The following TRPC3 variants were observed in gnomAD, a reference collection of about 807,000 sequenced individuals.
TRPC3 encodes transient receptor potential cation channel subfamily C member 3, also known as short transient receptor potential channel 3.
In TRPC3, 54 loss-of-function variants were observed where a neutral mutation model predicts 90.9. The ratio of observed to expected loss-of-function variants is 0.59; its 90% CI spans 0.48 to 0.75. The LOEUF (loss-of-function observed/expected upper bound fraction) is 0.75. TRPC3 is among the 30% of genes least tolerant of loss of function. TRPC3 has a pLI of 0.00. For missense variants in TRPC3, 918 were observed against 1,194.5 expected (o/e 0.77, Z 3.41); for synonymous variants, 424 against 450.9 (o/e 0.94, Z 0.75).
intron 10 of TRPC3, among the ~76,000 whole-genome samples, chr4:121,893,247 C>T (rs1011587477): frequency 1.3e-5 from 2 of 151,852 alleles, no homozygotes; most frequent in African/African-American, 2.4e-5. Flanking sequence ...CAAGAATGCA[C>T]ATGTATGTGT....
At chr4:121,930,902 C>A in intron 2 of TRPC3, 1 of 345,582 alleles carries the variant, frequency 2.9e-6, no homozygotes. Flanking sequence ...CATAATGAAT[C>A]TCTTCAAAGG....
chr4:121,949,898 T>C (rs1023008315), intron 1 of TRPC3, among the ~76,000 whole-genome samples: 3 of 152,236 alleles, frequency 2.0e-5, no homozygotes, highest in Non-Finnish European at 2.9e-5. Flanking sequence ...TGCTCCGCCC[T>C]ACTTTCTCAG....
intron 10 of TRPC3, among the ~76,000 whole-genome samples, chr4:121,885,521 C>T (rs1012200398): frequency 2.6e-5 from 4 of 152,068 alleles, no homozygotes; most frequent in Non-Finnish European, 5.9e-5. Context: ...AATGGAAATG[C>T]TAGACAGTGT....
intron 1 of TRPC3, among the ~76,000 whole-genome samples, chr4:121,933,630 C>A (rs1730031817): frequency 6.6e-6 from 1 of 152,026 alleles, no homozygotes; most frequent in African/African-American, 2.4e-5. Flanking sequence ...TATTTAAATA[C>A]TTTTTTAGAG....
chr4:121,880,833 T>C (rs1250752334), intron 11 of TRPC3, among the ~76,000 whole-genome samples: 1 of 152,148 alleles, frequency 6.6e-6, no homozygotes, highest in African/African-American at 2.4e-5. Context: ...TATTTCCTGG[T>C]ATCTTTAATA....
chr4:121,915,090 T>C (rs1729264066), intron 3 of TRPC3, 146 bp from the exon 4 acceptor site: 2 of 646,756 alleles, frequency 3.1e-6, no homozygotes, highest in South Asian at 1.1e-4. Context: ...GTTCTGGTAA[T>C]ATTCTTCTTA....
chr4:121,937,590 T>A (rs570909696), intron 1 of TRPC3, among the ~76,000 whole-genome samples: 1 of 152,234 alleles, frequency 6.6e-6, no homozygotes, highest in Non-Finnish European at 1.5e-5. Flanking sequence ...TAAAAGGTTA[T>A]TGTATCTTTT....
At chr4:121,910,058 T>C in intron 6 of TRPC3, 96 bp downstream of exon 6, 1 of 892,366 alleles carries the variant, frequency 1.1e-6, no homozygotes, top group Admixed American at 2.1e-5. Flanking sequence ...TCAATACACC[T>C]CTCATACTAA....
chr4:121,911,215 C>T (rs1371357508), intron 5 of TRPC3, among the ~76,000 whole-genome samples: 1 of 152,156 alleles, frequency 6.6e-6, no homozygotes, highest in Non-Finnish European at 1.5e-5. Flanking sequence ...CCAAGACTCA[C>T]ATTGGATAAA....
In TRPC3 at chr4:121,933,019, A is replaced by G. The variant is rs201126840; in HGVS notation, c.239T>C (p.Leu80Pro). The change falls in exon 2 of 12, where the codon CTG becomes CCG. Residue 80 changes from leucine to proline, a missense_variant. Transcript: ENST00000379645. ...PDLSMEGSPS[L>P]RRMTVMREKG... Reference sequence around the variant, plus strand: ...CTCCCGCATCACTGTCATGCGTCTCAGGGATGGGCTTCCCTCCATGGACCT... The same window carrying G: ...CTCCCGCATCACTGTCATGCGTCTCGGGGATGGGCTTCCCTCCATGGACCT... 17 of 1,594,196 alleles carry G rather than the reference A, an allele frequency of 1.1e-5. No homozygotes were observed. Among genetic ancestry groups the G allele is most frequent in the Non-Finnish European group, 1.5e-5 (17 of 1,168,728 alleles).
intron 6 of TRPC3, 130 bp downstream of exon 6, chr4:121,910,024 G>A: frequency 1.4e-6 from 1 of 699,324 alleles, no homozygotes; most frequent in Non-Finnish European, 2.4e-6. Flanking sequence ...CAAAGTTCAT[G>A]CTTTCTCCAC....
intron 10 of TRPC3, among the ~76,000 whole-genome samples, chr4:121,897,723 C>T (rs553740209): frequency 1.3e-5 from 2 of 151,828 alleles, no homozygotes; most frequent in Non-Finnish European, 2.9e-5. Flanking sequence ...ACTAGTACAA[C>T]CATTATGTAG....
At chr4:121,936,439 C>T (rs1730131035) in intron 1 of TRPC3, among the ~76,000 whole-genome samples, 1 of 152,222 alleles carries the variant, frequency 6.6e-6, no homozygotes, top group South Asian at 2.1e-4. Flanking sequence ...GCAGGGACTT[C>T]TTTCTGGTAA....
intron 6 of TRPC3, among the ~76,000 whole-genome samples, chr4:121,908,797 T>C (rs535315788): frequency 8.8e-4 from 134 of 152,234 alleles, no homozygotes; most frequent in Non-Finnish European, 1.6e-3. Flanking sequence ...AGGTCATTCC[T>C]AGCCCTAAAC....
intron 10 of TRPC3, among the ~76,000 whole-genome samples, chr4:121,896,970 A>G (rs1728535315): frequency 6.6e-6 from 1 of 152,058 alleles, no homozygotes; most frequent in South Asian, 2.1e-4. Flanking sequence ...AGAATTAAGA[A>G]CTCAGAAATT....
At chr4:121,910,441 A>G (rs894964892) in intron 5 of TRPC3, 54 bp from the exon 6 acceptor site, 21 of 1,435,982 alleles carry the variant, frequency 1.5e-5, no homozygotes, top group Non-Finnish European at 2.0e-5. Flanking sequence ...CAGACTGAGA[A>G]GCCATTATTG....
At chr4:121,891,175 A>G (rs1342838698) in intron 10 of TRPC3, among the ~76,000 whole-genome samples, 2 of 152,212 alleles carry the variant, frequency 1.3e-5, no homozygotes, top group Non-Finnish European at 1.5e-5. Context: ...TTCCACATCA[A>G]CATTCCATTT....
chr4:121,909,269 A>C (rs931203567), intron 6 of TRPC3, among the ~76,000 whole-genome samples: 1 of 152,118 alleles, frequency 6.6e-6, no homozygotes, highest in African/African-American at 2.4e-5. Context: ...AGCCTTCAAT[A>C]ACATTAACAT....
intron 11 of TRPC3, among the ~76,000 whole-genome samples, chr4:121,881,335 T>C (rs1450769803): frequency 6.6e-6 from 1 of 152,082 alleles, no homozygotes; most frequent in African/African-American, 2.4e-5. Flanking sequence ...GCTTGGGAAA[T>C]GCTTCTTGTT....
Sources: allele counts gnomAD v4.1 joint callset (sites outside exome capture counted in the v4.1 genomes callset), GRCh38; gene constraint gnomAD v4.1.1; transcripts MANE v1.5; gene names NCBI Gene and HGNC (gene_info 2026-07-23, HGNC 2026-07-21).